The following DENND5B variants were observed in gnomAD, a reference collection of about 807,000 sequenced individuals.
DENND5B encodes DENN domain containing 5B, also known as DENN domain-containing protein 5B.
In DENND5B, 34 loss-of-function variants were observed where a neutral mutation model predicts 140.6. The observed-to-expected ratio is 0.24, with a 90% confidence interval of 0.18 to 0.32. The LOEUF (loss-of-function observed/expected upper bound fraction) is 0.32, where lower values mean the gene tolerates loss of function less well. Ranked by LOEUF, DENND5B falls within the 10% of genes least tolerant of loss-of-function variation. DENND5B has a pLI of 1.00. For missense variants in DENND5B, 1,142 were observed against 1,560.2 expected, an observed-to-expected ratio of 0.73 and a Z score of 4.52; for synonymous variants, 551 against 562.1, an observed-to-expected ratio of 0.98 and a Z score of 0.28.
chr12:31,447,511 T>TTAA, intron 6 of DENND5B, 27 bp downstream of exon 6: 1 of 1,569,326 alleles, frequency 6.4e-7, no homozygotes, highest in South Asian at 1.2e-5. Flanking sequence ...GGATTTTAAT[T>TTAA]TAATTTAAAA....
intron 4 of DENND5B, among the ~76,000 whole-genome samples, chr12:31,456,326 T>G (rs1407761249): frequency 7.3e-5 from 4 of 54,600 alleles, no homozygotes; most frequent in Non-Finnish European, 1.2e-4. Flanking sequence ...TGAGACTCCG[T>G]CTCAAAAAAA....
chr12:31,546,400 ATTT>A (rs1159594266), intron 1 of DENND5B, among the ~76,000 whole-genome samples: 1 of 151,918 alleles, frequency 6.6e-6, no homozygotes, highest in Non-Finnish European at 1.5e-5. Context: ...TAAAGTTTTT[ATTT>A]TGGCCAGGTG....
chr12:31,421,139 G>A (rs1274588682), intron 11 of DENND5B, among the ~76,000 whole-genome samples: 1 of 152,136 alleles, frequency 6.6e-6, no homozygotes, highest in African/African-American at 2.4e-5. Context: ...CATCTTCCAG[G>A]TTCAAGCGAT....
intron 1 of DENND5B, among the ~76,000 whole-genome samples, chr12:31,575,047 C>T (rs1949962854): frequency 6.6e-6 from 1 of 152,142 alleles, no homozygotes; most frequent in South Asian, 2.1e-4. Context: ...GTTCATTTTC[C>T]TCGAGCTGAG....
At chr12:31,461,156 T>C (rs1021928395) in intron 3 of DENND5B, among the ~76,000 whole-genome samples, 62 of 152,196 alleles carry the variant, frequency 4.1e-4, no homozygotes, top group African/African-American at 1.4e-3. Flanking sequence ...CTCGGCTCAC[T>C]GCAACCTCCA....
chr12:31,461,787 G>A (rs2617192), intron 3 of DENND5B, among the ~76,000 whole-genome samples: 11,834 of 152,126 alleles, frequency 0.078, 1,048 homozygotes, highest in African/African-American at 0.22. Flanking sequence ...TTGTGGGCTT[G>A]TAATAATCCT....
rs1056525243 is a variant in DENND5B at position 31,538,721 on chromosome 12, T to C, written c.128-42802A>G. ...ATCTCTACTAAAAATACAAAAAAAT[T>C]AGCCGGGCATGGTGGTGTGCACCTG... On this transcript the variant is annotated intron_variant, in intron 1 of 20. Coordinates refer to ENST00000389082, the MANE Select transcript of DENND5B (RefSeq NM_144973.4). Among the ~76,000 whole-genome samples, 3 of 151,822 alleles carry C rather than the reference T, an allele frequency of 2.0e-5. No individual in the cohort carries two copies. The East Asian group carries it at 5.8e-4, about 29-fold the overall frequency.
At chr12:31,566,726 G>A (rs950708352) in intron 1 of DENND5B, among the ~76,000 whole-genome samples, 8 of 152,256 alleles carry the variant, frequency 5.3e-5, no homozygotes, top group Non-Finnish European at 1.0e-4. Flanking sequence ...TGAAAATGTG[G>A]CTAATATTTA....
At chr12:31,470,591 A>T (rs186954528) in intron 3 of DENND5B, among the ~76,000 whole-genome samples, 6,224 of 152,268 alleles carry the variant, frequency 0.041, 201 homozygotes, top group Middle Eastern at 0.068. Flanking sequence ...CAGGTATTTT[A>T]CAGTAACACA....
At chr12:31,569,212 G>A (rs946774461) in intron 1 of DENND5B, among the ~76,000 whole-genome samples, 2 of 151,738 alleles carry the variant, frequency 1.3e-5, no homozygotes, top group Non-Finnish European at 2.9e-5. Context: ...GACCACAGGC[G>A]CATACTGCCA....
At chr12:31,531,269 G>A (rs1037685410) in intron 1 of DENND5B, among the ~76,000 whole-genome samples, 2 of 151,690 alleles carry the variant, frequency 1.3e-5, no homozygotes, top group East Asian at 1.9e-4. Flanking sequence ...GCGCAGTCTC[G>A]GCTCACTGCA....
chr12:31,478,337 A>G (rs982556483), intron 3 of DENND5B, among the ~76,000 whole-genome samples: 2 of 152,182 alleles, frequency 1.3e-5, no homozygotes, highest in Non-Finnish European at 1.5e-5. Flanking sequence ...AAAAAAAGGA[A>G]AGTGGTAAAA....
chr12:31,530,105 G>C (rs569705092), intron 1 of DENND5B, among the ~76,000 whole-genome samples: 5 of 152,330 alleles, frequency 3.3e-5, no homozygotes, highest in African/African-American at 1.2e-4. Context: ...GGGCGCGGTG[G>C]CTCATGCCTG....
chr12:31,488,834 C>T (rs1037515452), intron 2 of DENND5B, among the ~76,000 whole-genome samples: 2 of 152,082 alleles, frequency 1.3e-5, no homozygotes, highest in African/African-American at 4.8e-5. Flanking sequence ...ACTAACAATA[C>T]CCCCTCACCA....
chr12:31,452,356 T>C lies in DENND5B; in HGVS notation c.1213A>G (p.Ile405Val). The change falls in exon 5 of 21, where the codon ATC becomes GTC. Residue 405 changes from isoleucine (I) to valine (V), a missense_variant. By Grantham distance (29) the Ile-to-Val change is conservative. Around this residue, in one of 5 missense-constraint regions of DENND5B, gnomAD observed 708 missense variants for 905.5 expected, o/e 0.78. Transcript: ENST00000389082. ...ELSEVLVQFG[I>V]PPEGSLHCSE... ...CAATGTAGGCTGCCCTCAGGAGGGATCCCAAATTGAACAAGAACCTCAGAG... is the reference window on the plus strand; with the variant it reads ...CAATGTAGGCTGCCCTCAGGAGGGACCCCAAATTGAACAAGAACCTCAGAG... 5 of 1,613,988 alleles carry C rather than the reference T, an allele frequency of 3.1e-6. No homozygotes were observed. The highest frequency in any genetic ancestry group is 4.2e-6 in the Non-Finnish European group (5 of 1,179,892).
intron 3 of DENND5B, among the ~76,000 whole-genome samples, chr12:31,464,797 G>A (rs987114614): frequency 1.3e-5 from 2 of 152,076 alleles, no homozygotes; most frequent in African/African-American, 4.8e-5. Flanking sequence ...CTGACCTCAA[G>A]TGATCTGCCT....
chr12:31,444,600 ACT>A (rs1190473463), intron 6 of DENND5B, among the ~76,000 whole-genome samples: 2 of 152,054 alleles, frequency 1.3e-5, no homozygotes, highest in Non-Finnish European at 1.5e-5. Context: ...GGAGTACCAA[ACT>A]CTCTGAGAGG....
At chr12:31,466,759 A>G (rs758902804) in intron 3 of DENND5B, among the ~76,000 whole-genome samples, 2 of 152,192 alleles carry the variant, frequency 1.3e-5, no homozygotes, top group Non-Finnish European at 2.9e-5. Flanking sequence ...AAAAAAAGAT[A>G]CATGAATGCA....
intron 4 of DENND5B, among the ~76,000 whole-genome samples, chr12:31,459,258 A>T (rs1038480629): frequency 2.0e-5 from 3 of 152,012 alleles, no homozygotes; most frequent in Non-Finnish European, 4.4e-5. Context: ...TACTATTCTT[A>T]CTTTATAGAT....
Sources: gnomAD v4.1 joint callset for allele counts (sites outside exome capture counted in the v4.1 genomes callset) on GRCh38, gnomAD v4.1.1 for gene constraint, gnomAD v4.1.1 regional missense constraint, MANE v1.5 for transcripts, NCBI Gene and HGNC (gene_info 2026-07-23, HGNC 2026-07-21) for gene names.